Variants in KIAA0232 observed in about 807,000 individuals in gnomAD.
The protein encoded by KIAA0232 is uncharacterized protein KIAA0232.
In KIAA0232, 27 loss-of-function variants were observed where a neutral mutation model predicts 122.0. The ratio of observed to expected loss-of-function variants is 0.22; its 90% CI spans 0.16 to 0.31. KIAA0232 has a LOEUF of 0.31. KIAA0232 is among the 10% of genes least tolerant of loss of function. The pLI, the probability that KIAA0232 is intolerant of heterozygous loss-of-function variation, is 1.00. For missense variants in KIAA0232, 1,551 were observed against 1,634.2 expected (o/e 0.95, Z 0.88); for synonymous variants, 613 against 587.6 (o/e 1.04, Z -0.63).
chr4:6,804,407 G>GTC (rs1226221134), intron 1 of KIAA0232, 116 bp from the exon 2 acceptor site: 1 of 152,154 alleles, frequency 6.6e-6, no homozygotes, highest in Non-Finnish European at 1.5e-5. Context: ...TCAGACAGCT[G>GTC]TCTTTTGGTC....
At chr4:6,833,182 G>A (rs549287494) in intron 3 of KIAA0232, among the ~76,000 whole-genome samples, 14 of 152,240 alleles carry the variant, frequency 9.2e-5, no homozygotes, top group African/African-American at 2.4e-4. Flanking sequence ...ACCATAAAGC[G>A]CTCCTCGTGT....
At chr4:6,837,553 C>T (rs1719384662) in intron 3 of KIAA0232, among the ~76,000 whole-genome samples, 1 of 152,200 alleles carries the variant, frequency 6.6e-6, no homozygotes, top group Non-Finnish European at 1.5e-5. Context: ...TTTGGGAGGC[C>T]AAGGCAGGCG....
At position 6,855,923 on chromosome 4, in the gene KIAA0232, C is replaced by CTGTT. The variant is rs954184609; in HGVS notation, c.370-1237_370-1234dup. The CTGTT allele has an allele frequency of 8.2e-5, 75 of 917,944 alleles. No individual in the cohort carries two copies. In the African/African-American group the frequency reaches 1.2e-3, roughly 15 times the overall value. The allele number at this position is 917,944 out of a possible 1,614,324, so 56.9% of individuals were successfully genotyped here. A position where few individuals can be genotyped will look rare whatever the true frequency, so the allele number is the denominator to read the frequency against. ...GGTAAGCAGGTGCTTTCTGGTGCAA[C>CTGTT]TGTTTGTGGTTGAACAGTGTTTATG... On this transcript the variant is annotated intron_variant, in intron 4 of 9. Coordinates refer to ENST00000307659, the MANE Select transcript of KIAA0232 (RefSeq NM_014743.3). The surrounding 1 kb of genome is among the most constrained non-coding windows in gnomAD (Gnocchi z 4.3).
chr4:6,812,099 T>G (rs1209681369), intron 2 of KIAA0232, among the ~76,000 whole-genome samples: 3 of 152,166 alleles, frequency 2.0e-5, no homozygotes, highest in African/African-American at 4.8e-5. Flanking sequence ...TAGCTGTGAT[T>G]AGTAGCCTTT....
At position 6,824,386 on chromosome 4, in the gene KIAA0232, C is replaced by T; in HGVS notation, c.-68C>T. The stretch of plus-strand genomic sequence containing the variant: ...CTTTTTACTGGAGTGAAAATCCCCT[C>T]CAGATACCAACAGAATATCAACTGC... On this transcript the variant is annotated 5_prime_UTR_variant, in exon 3 of 10. Transcript: ENST00000307659. The T allele has an allele frequency of 1.6e-6, 2 of 1,287,206 alleles. No homozygotes were observed. Among genetic ancestry groups the T allele is most frequent in the African/African-American group, 1.5e-5 (1 of 68,608 alleles). The allele number at this position is 1,287,206 out of a possible 1,614,324, so 79.7% of individuals were successfully genotyped here.
At chr4:6,830,724 A>C (rs546043985) in intron 3 of KIAA0232, among the ~76,000 whole-genome samples, 73 of 151,986 alleles carry the variant, frequency 4.8e-4, no homozygotes, top group African/African-American at 1.6e-3. Flanking sequence ...TTTATTCTCA[A>C]GCTTCACCCC....
chr4:6,850,233 G>C (rs985768562), intron 4 of KIAA0232, among the ~76,000 whole-genome samples: 3 of 152,194 alleles, frequency 2.0e-5, no homozygotes, highest in African/African-American at 7.2e-5. Flanking sequence ...TGATGGCCCA[G>C]TGAATCCCTG....
chr4:6,856,296 A>G (rs879497421), intron 4 of KIAA0232, among the ~76,000 whole-genome samples: 4 of 152,194 alleles, frequency 2.6e-5, no homozygotes, highest in Admixed American at 6.5e-5. Context: ...TAAGGACTTG[A>G]TTCCAGTTTA....
At chr4:6,836,982 C>G (rs576106720) in intron 3 of KIAA0232, among the ~76,000 whole-genome samples, 34 of 152,346 alleles carry the variant, frequency 2.2e-4, no homozygotes, top group East Asian at 2.1e-3. Context: ...ATCTCCCTTT[C>G]TTTTCCCCAC....
At position 6,858,328 on chromosome 4, in the gene KIAA0232, C is replaced by T. The variant is rs1017936341; in HGVS notation, c.437-97C>T. On this transcript the variant is annotated intron_variant, in intron 5 of 9. Transcript: ENST00000307659. ...GTTTGCCTTTTAAGCACCAAAGTCT[C>T]TATTTCTTGTTAAAATTAGTTGAGA... The T allele has an allele frequency of 4.4e-6, 3 of 688,374 alleles. No individual in the cohort carries two copies. The African/African-American group carries it at 5.6e-5, about 13-fold the overall frequency. 42.6% of individuals were successfully genotyped at this position (688,374 alleles called of 1,614,324 possible).
intron 2 of KIAA0232, among the ~76,000 whole-genome samples, chr4:6,817,294 G>C (rs1349261435): frequency 6.6e-6 from 1 of 152,152 alleles, no homozygotes; most frequent in African/African-American, 2.4e-5. Context: ...ACTCGCTGCA[G>C]CCGCCTCCTC....
At chr4:6,813,984 A>C (rs748951106) in intron 2 of KIAA0232, among the ~76,000 whole-genome samples, 15 of 152,008 alleles carry the variant, frequency 9.9e-5, no homozygotes, top group Non-Finnish European at 2.9e-5. Flanking sequence ...GCCTGCATAG[A>C]GTTGTTCCAG....
rs774862274 is a variant in KIAA0232 at position 6,862,134 on chromosome 4, T to C, written c.1752T>C (p.Leu584=). 11 of 1,614,040 alleles carry C rather than the reference T, an allele frequency of 6.8e-6. No individual in the cohort carries two copies. The highest frequency in any genetic ancestry group is 1.3e-5 in the African/African-American group (1 of 74,916). The change falls in exon 7 of 10, where the codon CTT becomes CTC. Residue 584 remains leucine (L), a synonymous_variant. Coordinates refer to ENST00000307659, the MANE Select transcript of KIAA0232 (RefSeq NM_014743.3). ...VGAEGLFLQD[L]GNLAQFWECC... ...CTGAGGGCTTATTCCTGCAGGACCT[T>C]GGCAATCTGGCTCAGTTTTGGGAGT...
At chr4:6,802,298 C>T (rs1717417956) in intron 1 of KIAA0232, among the ~76,000 whole-genome samples, 1 of 152,126 alleles carries the variant, frequency 6.6e-6, no homozygotes, top group Non-Finnish European at 1.5e-5. Context: ...TGGAAGAGGG[C>T]AAGATGTCGG....
chr4:6,852,624 T>C (rs1720351891), intron 4 of KIAA0232, among the ~76,000 whole-genome samples: 1 of 152,190 alleles, frequency 6.6e-6, no homozygotes, highest in African/African-American at 2.4e-5. Flanking sequence ...AAGCCTGTGC[T>C]TCAGTTATTG....
intron 4 of KIAA0232, among the ~76,000 whole-genome samples, chr4:6,853,197 A>C (rs573968418): frequency 3.9e-5 from 6 of 152,228 alleles, no homozygotes; most frequent in Non-Finnish European, 8.8e-5. Flanking sequence ...AACGAGGAAG[A>C]GGTTGCTGGA....
chr4:6,858,760 A>G (rs752415665), intron 6 of KIAA0232, among the ~76,000 whole-genome samples: 4 of 152,202 alleles, frequency 2.6e-5, no homozygotes, highest in Non-Finnish European at 5.9e-5. Context: ...TGCTAAGTCT[A>G]TGTATGTACT....
intron 2 of KIAA0232, among the ~76,000 whole-genome samples, chr4:6,811,093 T>C (rs1717855847): frequency 6.6e-6 from 1 of 152,200 alleles, no homozygotes; most frequent in African/African-American, 2.4e-5. Flanking sequence ...GCATTCCCAC[T>C]GTTGAGTATC....
In KIAA0232 at chr4:6,861,242, C is replaced by G; in HGVS notation, c.860C>G (p.Ser287Trp). Residue 287 changes from serine to tryptophan, a missense_variant, in exon 7 of 10, where the codon TCG becomes TGG. By Grantham distance (177) the Ser-to-Trp change is radical (BLOSUM62 -3). This residue lies in a region of KIAA0232 where 377 missense variants were observed against 381.7 expected (regional missense o/e 0.99). Transcript: ENST00000307659. Reference sequence around the variant, plus strand: ...CCTGAAGGAAAGATTCGCCCTCGCTCGTGGTCTTCTGGCTCCAGTGAAGCA... The same window carrying G: ...CCTGAAGGAAAGATTCGCCCTCGCTGGTGGTCTTCTGGCTCCAGTGAAGCA... ...HKPEGKIRPR[S>W]WSSGSSEAGS... 2 of 1,614,122 alleles carry G rather than the reference C, an allele frequency of 1.2e-6. No homozygotes were observed. The highest frequency in any genetic ancestry group is 1.7e-6 in the Non-Finnish European group (2 of 1,180,032).
Sources: allele counts gnomAD v4.1 joint callset (sites outside exome capture counted in the v4.1 genomes callset), GRCh38; gene constraint gnomAD v4.1.1; regional missense constraint gnomAD v4.1.1; non-coding constraint Gnocchi (gnomAD v3.1); transcripts MANE v1.5; gene names NCBI Gene and HGNC (gene_info 2026-07-23, HGNC 2026-07-21).